CNTN6: variants seen among roughly 807,000 people sequenced by gnomAD.
CNTN6 encodes the protein contactin-6.
A neutral mutation model predicts 122.8 loss-of-function variants in CNTN6; 137 were observed. The ratio of observed to expected loss-of-function variants is 1.12; its 90% CI spans 0.97 to 1.29. CNTN6 has a LOEUF of 1.29. Ranked by LOEUF, CNTN6 falls within the 50% of genes most tolerant of loss-of-function variation. The pLI, the probability that CNTN6 is intolerant of heterozygous loss-of-function variation, is 0.00. For synonymous variants in CNTN6, 570 were observed against 426.0 expected, an observed-to-expected ratio of 1.34 and a Z score of -4.16; for missense variants, 1,634 against 1,223.4, an observed-to-expected ratio of 1.34 and a Z score of -5.01.
chr3:1,355,534 C>T (rs541742586), intron 12 of CNTN6, among the ~76,000 whole-genome samples: 42 of 151,814 alleles, frequency 2.8e-4, no homozygotes, highest in African/African-American at 1.0e-3. Flanking sequence ...CAACCATTTT[C>T]TTGACTATTG....
chr3:1,213,329 C>CT (rs146968606), intron 2 of CNTN6, among the ~76,000 whole-genome samples: 37,749 of 151,862 alleles, frequency 0.25, 4,949 homozygotes, highest in East Asian at 0.38. Context: ...ACCAGGTTTT[C>CT]TTTTTTTGTG....
Position 1,385,737 on chromosome 3 carries a change from T to TACAAC in CNTN6, c.2647_2651dup (p.Ala885ThrfsTer32). ...CATCTACTTTGCTTCCGTAAGAGCTTACAACACTGCTGGGACAGGGCCCTC... is the reference window on the plus strand; with the variant it reads ...CATCTACTTTGCTTCCGTAAGAGCTTACAACACAACACTGCTGGGACAGGGCCCTC... On this transcript the variant is annotated frameshift_variant, in exon 20 of 23. Coordinates refer to ENST00000446702, the MANE Select transcript of CNTN6 (RefSeq NM_001289080.2). LOFTEE classifies it high-confidence loss of function. 6.2e-7 allele frequency: 1 copy of TACAAC among 1,614,118 alleles called. No homozygotes were observed. The highest frequency in any genetic ancestry group is 8.5e-7 in the Non-Finnish European group (1 of 1,179,962).
At chr3:1,370,309 G>T (rs1339103082) in intron 12 of CNTN6, among the ~76,000 whole-genome samples, 1 of 151,906 alleles carries the variant, frequency 6.6e-6, no homozygotes, top group East Asian at 1.9e-4. Context: ...GAGAACACAT[G>T]GACACAGGAA....
chr3:1,276,160 CCCAT>C, intron 4 of CNTN6, among the ~76,000 whole-genome samples: 1 of 152,292 alleles, frequency 6.6e-6, no homozygotes. Flanking sequence ...TTTCACATCT[CCCAT>C]CCATTCCTCT....
intron 11 of CNTN6, among the ~76,000 whole-genome samples, chr3:1,335,044 A>T (rs998326334): frequency 7.2e-5 from 11 of 152,108 alleles, no homozygotes; most frequent in Non-Finnish European, 1.3e-4. Flanking sequence ...CTTTCTTATG[A>T]TAATGTTTTT....
chr3:1,300,526 AT>A (rs1386357506), intron 7 of CNTN6, among the ~76,000 whole-genome samples: 2,292 of 138,384 alleles, frequency 0.017, 94 homozygotes, highest in African/African-American at 0.07. Context: ...AGAAAGAAAG[AT>A]AAAGAAAGAG....
intron 1 of CNTN6, among the ~76,000 whole-genome samples, chr3:1,097,081 A>C (rs1369500620): frequency 6.6e-6 from 1 of 152,200 alleles, no homozygotes; most frequent in East Asian, 1.9e-4. Context: ...GAGCTGTTCT[A>C]GTTAAGACTG....
intron 20 of CNTN6, 140 bp downstream of exon 20, chr3:1,385,937 G>C: frequency 1.4e-6 from 1 of 706,948 alleles, no homozygotes; most frequent in South Asian, 2.3e-5. Context: ...CTTAAATATG[G>C]ATACTTGTTG....
chr3:1,330,159 A>G (rs750321525), intron 11 of CNTN6, among the ~76,000 whole-genome samples: 2 of 151,966 alleles, frequency 1.3e-5, no homozygotes, highest in South Asian at 2.1e-4. Context: ...TTTTCAGTGC[A>G]TGCACTTGTA....
intron 2 of CNTN6, among the ~76,000 whole-genome samples, chr3:1,183,080 C>G (rs2093580662): frequency 6.6e-6 from 1 of 152,088 alleles, no homozygotes; most frequent in African/African-American, 2.4e-5. Context: ...ATGTTGTGAT[C>G]TTTTTAAAAT....
At chr3:1,135,032 G>C (rs115875482) in intron 1 of CNTN6, among the ~76,000 whole-genome samples, 2,369 of 152,160 alleles carry the variant, frequency 0.016, 64 homozygotes, top group African/African-American at 0.048. Flanking sequence ...ATGCCCCATA[G>C]CACAAAGTAT....
intron 5 of CNTN6, among the ~76,000 whole-genome samples, chr3:1,286,056 C>G (rs1326493323): frequency 6.6e-6 from 1 of 152,194 alleles, no homozygotes; most frequent in African/African-American, 2.4e-5. Context: ...CTTAGAAAGA[C>G]TATTTTCCTT....
chr3:1,118,581 T>C (rs943155287), intron 1 of CNTN6, among the ~76,000 whole-genome samples: 3 of 152,254 alleles, frequency 2.0e-5, no homozygotes, highest in East Asian at 1.9e-4. Context: ...GAGGTCATGA[T>C]TGGTGCACAG....
At chr3:1,254,267 T>A (rs1183589224) in intron 4 of CNTN6, among the ~76,000 whole-genome samples, 2 of 152,162 alleles carry the variant, frequency 1.3e-5, no homozygotes, top group Non-Finnish European at 2.9e-5. Context: ...GAAATTTTTA[T>A]TGTCTTTGTT....
intron 11 of CNTN6, among the ~76,000 whole-genome samples, chr3:1,341,874 G>A (rs532729409): frequency 2.0e-5 from 3 of 151,946 alleles, no homozygotes; most frequent in Non-Finnish European, 2.9e-5. Flanking sequence ...AAGTAGAAAC[G>A]GGCACCAGTA....
intron 1 of CNTN6, among the ~76,000 whole-genome samples, chr3:1,115,321 T>C (rs1315413884): frequency 6.6e-6 from 1 of 152,156 alleles, no homozygotes; most frequent in African/African-American, 2.4e-5. Context: ...TGAGGAGTCC[T>C]CAGTAAAAGA....
chr3:1,191,276 T>G (rs1021168408), intron 2 of CNTN6, among the ~76,000 whole-genome samples: 1 of 152,118 alleles, frequency 6.6e-6, no homozygotes, highest in African/African-American at 2.4e-5. Context: ...GGCTCCTGGA[T>G]AGCTTCAGAA....
At chr3:1,163,433 A>C (rs1050004521) in intron 2 of CNTN6, among the ~76,000 whole-genome samples, 12 of 152,104 alleles carry the variant, frequency 7.9e-5, no homozygotes, top group Admixed American at 5.9e-4. Context: ...AAAGCTCATT[A>C]ATTTGTTTGG....
At chr3:1,258,602 T>C (rs923809083) in intron 4 of CNTN6, among the ~76,000 whole-genome samples, 1 of 152,092 alleles carries the variant, frequency 6.6e-6, no homozygotes, top group Non-Finnish European at 1.5e-5. Context: ...AGCTTAGTCT[T>C]TCAAATAAAA....
Sources: gnomAD v4.1 joint callset for allele counts (sites outside exome capture counted in the v4.1 genomes callset) on GRCh38, gnomAD v4.1.1 for gene constraint, MANE v1.5 for transcripts, NCBI Gene and HGNC (gene_info 2026-07-23, HGNC 2026-07-21) for gene names.